The following UBN2 variants were observed in gnomAD, a reference collection of about 807,000 sequenced individuals.
UBN2 encodes the protein ubinuclein 2, also known as ubinuclein-2.
UBN2 carries 35 observed loss-of-function variants against 120.2 expected under a neutral mutation model. That is an observed-to-expected ratio of 0.29 (90% CI 0.22 to 0.39). The LOEUF is 0.39. Ranked by LOEUF, UBN2 falls within the 10% of genes least tolerant of loss-of-function variation. The pLI, the probability that UBN2 is intolerant of heterozygous loss-of-function variation, is 1.00. For synonymous variants in UBN2, 661 were observed against 648.7 expected, an observed-to-expected ratio of 1.02 and a Z score of -0.29; for missense variants, 1,693 against 1,663.2, an observed-to-expected ratio of 1.02 and a Z score of -0.31.
intron 8 of UBN2, 64 bp downstream of exon 8, chr7:139,269,587 G>T: frequency 6.4e-7 from 1 of 1,553,884 alleles, no homozygotes; most frequent in Non-Finnish European, 8.8e-7. Flanking sequence ...ACTTGTTTCT[G>T]TTTGGGGCCT....
the UBN2 span, among the ~76,000 whole-genome samples, chr7:139,317,022 T>A: frequency 6.6e-6 from 1 of 151,446 alleles, no homozygotes; most frequent in Non-Finnish European, 1.5e-5. Flanking sequence ...AACCTCCGCC[T>A]CCTGGGTTCA....
chr7:139,254,162 G>A (rs1460377330), intron 3 of UBN2, among the ~76,000 whole-genome samples: 1 of 152,026 alleles, frequency 6.6e-6, no homozygotes, highest in African/African-American at 2.4e-5. Flanking sequence ...GCGTGGTGGC[G>A]GGCGCCTGTA....
intron 6 of UBN2, among the ~76,000 whole-genome samples, chr7:139,263,258 T>C (rs1796992101): frequency 6.6e-6 from 1 of 152,062 alleles, no homozygotes; most frequent in Admixed American, 6.6e-5. Context: ...GAAAGAAGGG[T>C]GTGTATGCTA....
chr7:139,293,415 A>G lies in UBN2; in HGVS notation c.3853A>G (p.Thr1285Ala), dbSNP rs764321190. Residue 1285 changes from threonine to alanine, a missense_variant, in exon 16 of 18, where the codon ACC becomes GCC. Thr to Ala is a moderately conservative substitution (Grantham distance 58). Coordinates refer to ENST00000473989, the MANE Select transcript of UBN2 (RefSeq NM_173569.4). ...TGGAACGGACACAGCTGGAGTGACA[A>G]CCACCTCGGGATCTACCTCAGCCGC... ...GFGTDTAGVT[T>A]TSGSTSAAFH... is the part of the protein sequence containing the mutation. The G allele has an allele frequency of 1.3e-5, 21 of 1,614,112 alleles. No individual in the cohort carries two copies. Among genetic ancestry groups the G allele is most frequent in the Non-Finnish European group, 1.5e-5 (18 of 1,180,004 alleles).
chr7:139,291,066 C>A (rs1048185300), intron 15 of UBN2, among the ~76,000 whole-genome samples: 1 of 152,060 alleles, frequency 6.6e-6, no homozygotes, highest in African/African-American at 2.4e-5. Flanking sequence ...TTTTCCTGAT[C>A]AAATTTAGAT....
chr7:139,284,149 A>T lies in UBN2; in HGVS notation c.3244A>T (p.Thr1082Ser), dbSNP rs1282872225. 1 of 1,612,680 alleles carries T rather than the reference A, an allele frequency of 6.2e-7. No individual in the cohort carries two copies. The highest frequency in any genetic ancestry group is 8.5e-7 in the Non-Finnish European group (1 of 1,179,648). The stretch of plus-strand genomic sequence containing the variant: ...TAAACTTATTTCTAAATCCAACCCA[A>T]CTCCCAAGCCTACTGTATCCCCAAG... Reference protein sequence around the residue: ...STKLISKSNPTPKPTVSPSSS... With the variant: ...STKLISKSNPSPKPTVSPSSS... The change falls in exon 15 of 18, where the codon ACT becomes TCT. Residue 1082 changes from threonine (T) to serine (S), a missense_variant. Transcript: ENST00000473989.
rs1264790396 is a variant in UBN2, at chr7:139,283,171, C to G, written c.2266C>G (p.Leu756Val). ...AQETICLDDS[L>V]DEDLSFHSPS... ...AGAAACCATCTGCCTCGACGACTCA[C>G]TAGATGAAGACCTTTCTTTCCATTC... Residue 756 changes from leucine to valine, a missense_variant, in exon 15 of 18, where the codon CTA becomes GTA. Physicochemically the swap from Leu to Val is conservative, Grantham distance 32. Around this residue, in one of 5 missense-constraint regions of UBN2, gnomAD observed 837 missense variants for 817.6 expected, o/e 1.02. Coordinates refer to ENST00000473989, the MANE Select transcript of UBN2 (RefSeq NM_173569.4). 1 of 1,612,212 alleles carries G rather than the reference C, an allele frequency of 6.2e-7. No homozygotes were observed. Among genetic ancestry groups the G allele is most frequent in the East Asian group, 2.2e-5 (1 of 44,870 alleles).
rs1053118162 is a variant in UBN2, at chr7:139,300,820, G to A, written c.*2984G>A. ...AATAACAGTCAGCAGGGTTGTCCTC[G>A]GAGATAGCTGTGCTGAGCCTCAGTT... On this transcript the variant is annotated 3_prime_UTR_variant, in exon 18 of 18. Coordinates refer to ENST00000473989, the MANE Select transcript of UBN2 (RefSeq NM_173569.4). The A allele has an allele frequency of 6.6e-6, 1 of 152,180 alleles. No individual in the cohort carries two copies. The highest frequency in any genetic ancestry group is 2.4e-5 in the African/African-American group (1 of 41,448). The allele number at this position is 152,180 out of a possible 1,614,324, so 9.4% of individuals were successfully genotyped here. A position where few individuals can be genotyped will look rare whatever the true frequency, so the allele number is the denominator to read the frequency against.
At chr7:139,324,937 T>C in the UBN2 span, among the ~76,000 whole-genome samples, 32 of 152,062 alleles carry the variant, frequency 2.1e-4, 1 homozygote, top group Admixed American at 2.0e-3. Context: ...GCCACTGGAC[T>C]CTAGCCTGGG....
intron 14 of UBN2, among the ~76,000 whole-genome samples, chr7:139,282,530 C>G (rs1797644757): frequency 6.6e-6 from 1 of 152,100 alleles, no homozygotes; most frequent in Non-Finnish European, 1.5e-5. Flanking sequence ...ACCAGTTTTT[C>G]TATGTACTGG....
rs1366012225 is a variant in UBN2, at chr7:139,261,568, T to C, written c.1222T>C (p.Phe408Leu). ...NALEMLDDFD[F>L]DRLLDAASDG... ...CCTAGAGATGCTAGATGATTTTGACTTCGACAGATTACTGGATGCTGCTTC... is the reference window on the plus strand; with the variant it reads ...CCTAGAGATGCTAGATGATTTTGACCTCGACAGATTACTGGATGCTGCTTC... The change falls in exon 6 of 18, where the codon TTC (phenylalanine) becomes CTC (leucine). Residue 408 changes from phenylalanine (F) to leucine (L), a missense_variant. Physicochemically the swap from Phe to Leu is conservative, Grantham distance 22. Coordinates refer to ENST00000473989, the MANE Select transcript of UBN2 (RefSeq NM_173569.4). The C allele has an allele frequency of 1.2e-6, 2 of 1,614,196 alleles. No homozygotes were observed. The highest frequency in any genetic ancestry group is 2.2e-5 in the South Asian group (2 of 91,072).
chr7:139,236,826 G>T (rs1224512639), intron 1 of UBN2, among the ~76,000 whole-genome samples, 179 bp from the exon 2 acceptor site: 1 of 151,588 alleles, frequency 6.6e-6, no homozygotes, highest in Non-Finnish European at 1.5e-5. Flanking sequence ...TAGTCTCTGA[G>T]TAATAATATA....
intron 15 of UBN2, among the ~76,000 whole-genome samples, chr7:139,291,728 T>C (rs1797963443): frequency 6.6e-6 from 1 of 151,612 alleles, no homozygotes; most frequent in Non-Finnish European, 1.5e-5. Flanking sequence ...CACACGCCTG[T>C]CTGTAGTCCC....
At chr7:139,240,450 A>AT (rs1435920419) in intron 2 of UBN2, among the ~76,000 whole-genome samples, 5,608 of 37,026 alleles carry the variant, frequency 0.15, 125 homozygotes, top group Non-Finnish European at 0.25. Context: ...ATATATATAT[A>AT]TATATTTTTT....
intron 8 of UBN2, among the ~76,000 whole-genome samples, chr7:139,270,524 C>T (rs955256923): frequency 6.6e-6 from 1 of 152,068 alleles, no homozygotes; most frequent in African/African-American, 2.4e-5. Context: ...CCAGCTTGGC[C>T]TCCCAAAGTG....
At chr7:139,311,283 C>G (rs908676955), downstream of UBN2, among the ~76,000 whole-genome samples, 2 of 152,192 alleles carry the variant, frequency 1.3e-5, no homozygotes, top group East Asian at 3.8e-4. Context: ...CAGAAAACAT[C>G]GGGCCTCCAT....
chr7:139,241,282 A>G (rs1192793381), intron 2 of UBN2, among the ~76,000 whole-genome samples: 1 of 152,216 alleles, frequency 6.6e-6, no homozygotes, highest in Admixed American at 6.5e-5. Context: ...CTAGAATTGG[A>G]TATAAATTCA....
At position 139,293,396 on chromosome 7, in the gene UBN2, G is replaced by A. The variant is rs190194944; in HGVS notation, c.3834G>A (p.Thr1278=). The change falls in exon 16 of 18, where the codon ACG becomes ACA. Residue 1278 remains threonine, a synonymous_variant. Transcript: ENST00000473989. ...QFPLEIFGFG[T]DTAGVTTTSG... ...CCTTGGAGATATTTGGCTTTGGAAC[G>A]GACACAGCTGGAGTGACAACCACCT... The A allele has an allele frequency of 9.3e-6, 15 of 1,614,052 alleles. No homozygotes were observed. The highest frequency in any genetic ancestry group is 6.7e-5 in the Admixed American group (4 of 60,016).
chr7:139,295,695 G>A (rs560849935), intron 17 of UBN2, among the ~76,000 whole-genome samples: 99 of 152,314 alleles, frequency 6.5e-4, no homozygotes, highest in African/African-American at 1.5e-3. Context: ...CAAGGCAGGC[G>A]GATGGCTTGA....
Sources: gnomAD v4.1 joint callset for allele counts (sites outside exome capture counted in the v4.1 genomes callset) on GRCh38, gnomAD v4.1.1 for gene constraint, gnomAD v4.1.1 regional missense constraint, MANE v1.5 for transcripts, NCBI Gene and HGNC (gene_info 2026-07-23, HGNC 2026-07-21) for gene names.